Variants in ANGPT1 observed in about 807,000 individuals in gnomAD.
The protein encoded by ANGPT1 is angiopoietin-1.
ANGPT1 carries 17 observed loss-of-function variants against 62.2 expected under a neutral mutation model. That is an observed-to-expected ratio of 0.27 (90% CI 0.19 to 0.41). The LOEUF is 0.41. Ranked by LOEUF, ANGPT1 falls within the 10% of genes least tolerant of loss-of-function variation. ANGPT1 has a pLI of 1.00. For missense variants in ANGPT1, 478 were observed against 594.9 expected, an observed-to-expected ratio of 0.80 and a Z score of 2.04; for synonymous variants, 199 against 198.9, an observed-to-expected ratio of 1.00 and a Z score of 0.00.
intron 1 of ANGPT1, among the ~76,000 whole-genome samples, chr8:107,486,438 G>T (rs1379063280): frequency 6.6e-6 from 1 of 152,058 alleles, no homozygotes; most frequent in East Asian, 1.9e-4. Flanking sequence ...GGCTTTTGAG[G>T]TATTCAATGA....
intron 4 of ANGPT1, 66 bp downstream of exon 4, chr8:107,321,830 T>G: frequency 7.2e-7 from 1 of 1,388,726 alleles, no homozygotes; most frequent in South Asian, 1.2e-5. Context: ...GAAAGCTATA[T>G]TGAGTATTTA....
At chr8:107,450,264 A>G (rs1182369841) in intron 1 of ANGPT1, among the ~76,000 whole-genome samples, 1 of 152,076 alleles carries the variant, frequency 6.6e-6, no homozygotes, top group South Asian at 2.1e-4. Context: ...GTTAACAAAC[A>G]CATTTCATCT....
intron 1 of ANGPT1, among the ~76,000 whole-genome samples, chr8:107,402,351 C>A (rs183280436): frequency 6.6e-6 from 1 of 152,110 alleles, no homozygotes; most frequent in Non-Finnish European, 1.5e-5. Flanking sequence ...AAAGGCAAAC[C>A]GAGTGGATCC....
At chr8:107,394,053 G>A (rs924703297) in intron 1 of ANGPT1, among the ~76,000 whole-genome samples, 1 of 152,176 alleles carries the variant, frequency 6.6e-6, no homozygotes, top group Non-Finnish European at 1.5e-5. Flanking sequence ...CTGAGGAAAT[G>A]ATACAGGTTT....
intron 1 of ANGPT1, among the ~76,000 whole-genome samples, chr8:107,440,261 A>C (rs1811440014): frequency 6.6e-6 from 1 of 152,194 alleles, no homozygotes. Flanking sequence ...GATGATTAAA[A>C]ACATTCACTA....
At chr8:107,408,011 C>A (rs1330977418) in intron 1 of ANGPT1, among the ~76,000 whole-genome samples, 1 of 152,148 alleles carries the variant, frequency 6.6e-6, no homozygotes, top group Non-Finnish European at 1.5e-5. Context: ...ATTTGGTAAG[C>A]ACTGGCATAT....
At chr8:107,375,655 C>G (rs1267966888) in intron 1 of ANGPT1, among the ~76,000 whole-genome samples, 1 of 152,102 alleles carries the variant, frequency 6.6e-6, no homozygotes, top group Admixed American at 6.5e-5. Flanking sequence ...TAGCCAGGCT[C>G]CATATTGGTT....
intron 5 of ANGPT1, among the ~76,000 whole-genome samples, chr8:107,298,691 T>C (rs185174729): frequency 3.5e-4 from 53 of 151,964 alleles, no homozygotes; most frequent in African/African-American, 1.2e-3. Flanking sequence ...TACAATCCTG[T>C]TATACTTGCA....
At chr8:107,354,059 C>T (rs1030640393) in intron 1 of ANGPT1, among the ~76,000 whole-genome samples, 5 of 152,120 alleles carry the variant, frequency 3.3e-5, no homozygotes, top group Non-Finnish European at 7.4e-5. Context: ...GGTAATGATT[C>T]TTGTGGGACC....
At chr8:107,474,311 T>C (rs555868452) in intron 1 of ANGPT1, among the ~76,000 whole-genome samples, 5 of 152,226 alleles carry the variant, frequency 3.3e-5, no homozygotes, top group Admixed American at 2.6e-4. Flanking sequence ...ATCCAGCATA[T>C]AAACAGAACC....
chr8:107,452,224 T>G (rs561993759), intron 1 of ANGPT1, among the ~76,000 whole-genome samples: 2 of 151,454 alleles, frequency 1.3e-5, no homozygotes, highest in African/African-American at 2.4e-5. Flanking sequence ...TGTACCAAAT[T>G]TTTTCCCTCT....
At chr8:107,359,208 C>T (rs999248732) in intron 1 of ANGPT1, among the ~76,000 whole-genome samples, 1 of 152,118 alleles carries the variant, frequency 6.6e-6, no homozygotes, top group Admixed American at 6.6e-5. Context: ...GCCTGACTTA[C>T]TCCGAAGAGA....
At chr8:107,303,541 TAA>T (rs879784739) in intron 4 of ANGPT1, among the ~76,000 whole-genome samples, 174 bp from the exon 5 acceptor site, 2 of 142,004 alleles carry the variant, frequency 1.4e-5, no homozygotes, top group African/African-American at 5.2e-5. Flanking sequence ...CTTACAAAAT[TAA>T]AAAAAAAAAA....
chr8:107,474,328 A>G (rs1812451703), intron 1 of ANGPT1, among the ~76,000 whole-genome samples: 1 of 152,344 alleles, frequency 6.6e-6, no homozygotes, highest in South Asian at 2.1e-4. Context: ...AACCAAAGAC[A>G]AAAACCACAT....
rs139305754 is a variant in ANGPT1, at chr8:107,492,748, T to C, written c.297+4514A>G. Among the ~76,000 whole-genome samples the C allele has an allele frequency of 5.4e-4, 81 of 150,644 alleles. 6 individuals are homozygous for C. Among genetic ancestry groups the C allele is most frequent in the African/African-American group, 1.9e-3 (79 of 40,946 alleles). On this transcript the variant is annotated intron_variant, in intron 1 of 8. Transcript: ENST00000517746. ...ACCACCGGCCACCAAAACAATAATA[T>C]ACCAGTGAGAATTAAGTTCTCATGT...
intron 1 of ANGPT1, among the ~76,000 whole-genome samples, chr8:107,459,881 T>A (rs531240610): frequency 4.6e-5 from 7 of 152,312 alleles, no homozygotes; most frequent in African/African-American, 1.7e-4. Flanking sequence ...TCATTTTCAA[T>A]GTTCTGCCCT....
At chr8:107,281,181 TTAATA>T (rs752838838) in intron 7 of ANGPT1, among the ~76,000 whole-genome samples, 32 of 152,182 alleles carry the variant, frequency 2.1e-4, no homozygotes, top group Non-Finnish European at 4.4e-4. Flanking sequence ...TTTCTTTTAA[TTAATA>T]TGTCAAGAGC....
chr8:107,284,607 T>C (rs1814094143), intron 7 of ANGPT1, 75 bp downstream of exon 7: 1 of 1,254,978 alleles, frequency 8.0e-7, no homozygotes, highest in African/African-American at 1.5e-5. Context: ...CATTTCTTTT[T>C]TTCATATTTT....
intron 1 of ANGPT1, among the ~76,000 whole-genome samples, chr8:107,382,317 C>T (rs1816654106): frequency 6.6e-6 from 1 of 152,038 alleles, no homozygotes; most frequent in African/African-American, 2.4e-5. Flanking sequence ...AAGTAGATTA[C>T]AAAAATGCAG....
Sources: allele counts gnomAD v4.1 joint callset (sites outside exome capture counted in the v4.1 genomes callset), GRCh38; gene constraint gnomAD v4.1.1; transcripts MANE v1.5; gene names NCBI Gene and HGNC (gene_info 2026-07-23, HGNC 2026-07-21).